Variants in POMZP3 observed in about 807,000 individuals in gnomAD.
POMZP3 encodes POM121 and ZP3 fusion, also known as POM121 and ZP3 fusion protein.
In POMZP3, 10 loss-of-function variants were observed where a neutral mutation model predicts 19.8. The ratio of observed to expected loss-of-function variants is 0.51; its 90% confidence interval spans 0.31 to 0.86. The LOEUF is 0.86. Among genes scored for constraint, POMZP3 ranks in the 40% least tolerant of loss-of-function variants. The pLI is 0.04. For missense variants in POMZP3, 152 were observed against 228.1 expected, an observed-to-expected ratio of 0.67 and a Z score of 2.15; for synonymous variants, 57 against 85.8, an observed-to-expected ratio of 0.66 and a Z score of 1.85.
Position 76,620,257 on chromosome 7 carries a change from G to C in POMZP3, c.228-1957C>G, listed in dbSNP as rs1815477670. ...GCAGGAGAATGGCGCGAACCCGGGA[G>C]GCAGAGCTTGTAGTGAGCCGAGATT... On this transcript the variant is annotated intron_variant, in intron 3 of 6. Coordinates refer to ENST00000310842, the MANE Select transcript of POMZP3 (RefSeq NM_012230.5). Among the ~76,000 whole-genome samples, 2 of 86,012 alleles carry C rather than the reference G, an allele frequency of 2.3e-5. 1 individual carries two copies. The highest frequency in any genetic ancestry group is 2.2e-4 in the Admixed American group (2 of 9,048). 56.4% of individuals were successfully genotyped at this position (86,012 alleles called of 152,430 possible). A position where few individuals can be genotyped will look rare whatever the true frequency, so the allele number is the denominator to read the frequency against.
intron 3 of POMZP3, among the ~76,000 whole-genome samples, chr7:76,619,023 C>T (rs1179837576): frequency 4.6e-5 from 7 of 152,144 alleles, no homozygotes; most frequent in South Asian, 2.1e-4. Context: ...CCTGGGCTCA[C>T]GCATTCCTCT....
At chr7:76,621,756 C>T (rs1254098927) in intron 3 of POMZP3, among the ~76,000 whole-genome samples, 2 of 151,534 alleles carry the variant, frequency 1.3e-5, no homozygotes, top group South Asian at 2.1e-4. Context: ...CTGGCTAACA[C>T]GGTGAAATCC....
At position 76,626,059 on chromosome 7, in the gene POMZP3, C is replaced by T; in HGVS notation, c.6G>A (p.Val2=). M[V]CSPVTLRIAP... is the part of the protein sequence containing the mutation. ...CGATCCTCAGAGTCACTGGGCTACA[C>T]ACCATCCTGGAGTTGCGAGGGGACA... The change falls in exon 2 of 7, where the codon GTG becomes GTA. Residue 2 remains valine, a synonymous_variant. Coordinates refer to ENST00000310842, the MANE Select transcript of POMZP3 (RefSeq NM_012230.5). 1.9e-6 allele frequency: 3 copies of T among 1,613,814 alleles called. No homozygotes were observed. The highest frequency in any genetic ancestry group is 1.7e-4 in the Middle Eastern group (1 of 6,056).
At position 76,626,006 on chromosome 7, in the gene POMZP3, G is replaced by C. The variant is rs1815866700; in HGVS notation, c.59C>G (p.Ser20Cys). The C allele has an allele frequency of 1.2e-6, 2 of 1,613,718 alleles. No homozygotes were observed. Among genetic ancestry groups the C allele is most frequent in the Non-Finnish European group, 8.5e-7 (1 of 1,179,776 alleles). The change falls in exon 2 of 7, where the codon TCT (serine) becomes TGT (cysteine). Residue 20 changes from serine to cysteine, a missense_variant. Ser to Cys is a moderately radical substitution (Grantham distance 112). Coordinates refer to ENST00000310842, the MANE Select transcript of POMZP3 (RefSeq NM_012230.5). ...TTCCAACGATAATACTCACATCGCAGAACGCGAAAATCTTCTGTCAGGAGG... is the reference window on the plus strand; with the variant it reads ...TTCCAACGATAATACTCACATCGCACAACGCGAAAATCTTCTGTCAGGAGG... ...IAPPDRRFSR[S>C]AIPEQIISST...
At chr7:76,625,055 C>T (rs1815798713) in intron 3 of POMZP3, among the ~76,000 whole-genome samples, 1 of 146,384 alleles carries the variant, frequency 6.8e-6, no homozygotes, top group Non-Finnish European at 1.5e-5. Context: ...ATGGCATGAA[C>T]CTGGGAGGCT....
chr7:76,617,990 ACCTCTTAAGG>A (rs1198981135), intron 4 of POMZP3, among the ~76,000 whole-genome samples, 183 bp downstream of exon 4: 5 of 124,236 alleles, frequency 4.0e-5, no homozygotes, highest in Non-Finnish European at 8.2e-5. Flanking sequence ...CCCGGCCTCT[ACCTCTTAAGG>A]CTTCATATTG....
chr7:76,625,890 G>A (rs990679433), intron 2 of POMZP3, 110 bp downstream of exon 2: 2 of 1,506,326 alleles, frequency 1.3e-6, no homozygotes, highest in Non-Finnish European at 1.8e-6. Context: ...ATTCAAACAA[G>A]CAGATTCGTC....
chr7:76,617,355 C>A (rs1241731211), intron 4 of POMZP3, among the ~76,000 whole-genome samples: 1 of 96,302 alleles, frequency 1.0e-5, no homozygotes, highest in African/African-American at 4.7e-5. Context: ...ATCCCTCCCC[C>A]ACCTCAGCCA....
At chr7:76,610,264 G>A (rs1423895468) in intron 6 of POMZP3, 49 bp from the exon 7 acceptor site, 1 of 1,613,492 alleles carries the variant, frequency 6.2e-7, no homozygotes, top group African/African-American at 1.3e-5. Flanking sequence ...CCCTAACCGG[G>A]AACTGGGTTG....
chr7:76,611,317 G>C (rs1382490300), intron 6 of POMZP3, 137 bp downstream of exon 6: 1 of 1,149,438 alleles, frequency 8.7e-7, no homozygotes, highest in East Asian at 2.6e-5. Context: ...ATTTGTGTTA[G>C]GGAAAGGTAG....
chr7:76,610,074 G>A lies in POMZP3; in HGVS notation c.*153C>T. 7.8e-7 allele frequency: 1 copy of A among 1,289,498 alleles called. No individual in the cohort carries two copies. Among genetic ancestry groups the A allele is most frequent in the South Asian group, 1.2e-5 (1 of 82,590 alleles). 79.9% of individuals were successfully genotyped at this position (1,289,498 alleles called of 1,614,324 possible). ...GAGAACCAGGATAACAGCAGTCAGA[G>A]TCAGGGACACCACCACAGCCAGGCC... On this transcript the variant is annotated 3_prime_UTR_variant, in exon 7 of 7. Transcript: ENST00000310842.
intron 3 of POMZP3, among the ~76,000 whole-genome samples, chr7:76,623,115 C>T (rs1258754935): frequency 2.0e-5 from 3 of 151,684 alleles, no homozygotes; most frequent in African/African-American, 7.3e-5. Context: ...CAAGAGATCC[C>T]TCCACCTCAG....
At chr7:76,619,470 G>C (rs548410334) in intron 3 of POMZP3, among the ~76,000 whole-genome samples, 108 of 151,392 alleles carry the variant, frequency 7.1e-4, no homozygotes, top group African/African-American at 2.5e-3. Flanking sequence ...CAGTAGGGCA[G>C]TTTGCCACTT....
rs1815858949 is a variant in POMZP3, at chr7:76,625,882, T to A, written c.65+118A>T. 5 of 1,485,324 alleles carry A rather than the reference T, an allele frequency of 3.4e-6. No individual in the cohort carries two copies. The East Asian group carries it at 1.2e-4, about 36-fold the overall frequency. 92.0% of individuals were successfully genotyped at this position (1,485,324 alleles called of 1,614,324 possible). A position where few individuals can be genotyped will look rare whatever the true frequency, so the allele number is the denominator to read the frequency against. ...TTTACTAGAATTTGGTATTTCTCAT[T>A]CAAACAAGCAGATTCGTCCTTTCTT... is the stretch of plus-strand genomic sequence containing the variant. On this transcript the variant is annotated intron_variant, in intron 2 of 6. Transcript: ENST00000310842.
At chr7:76,612,206 CAG>C (rs1426890198) in intron 4 of POMZP3, among the ~76,000 whole-genome samples, 9 of 123,812 alleles carry the variant, frequency 7.3e-5, no homozygotes, top group African/African-American at 2.7e-4. Flanking sequence ...ATAAAATAAA[CAG>C]GGGGAAGGAA....
chr7:76,619,272 C>G (rs1815415840), intron 3 of POMZP3, among the ~76,000 whole-genome samples: 2 of 152,236 alleles, frequency 1.3e-5, no homozygotes, highest in South Asian at 4.1e-4. Context: ...CCTGTAATCC[C>G]AGCTACTGGG....
intron 4 of POMZP3, among the ~76,000 whole-genome samples, chr7:76,616,189 C>T (rs1200363817): frequency 7.0e-6 from 1 of 142,400 alleles, no homozygotes; most frequent in Admixed American, 7.2e-5. Context: ...GAGGCTGAGG[C>T]AGGAGAATTG....
intron 3 of POMZP3, among the ~76,000 whole-genome samples, chr7:76,620,360 G>T (rs1347629050): frequency 9.6e-6 from 1 of 103,882 alleles, no homozygotes; most frequent in African/African-American, 4.2e-5. Flanking sequence ...ACAACACGTG[G>T]GGGTGGGGTA....
intron 6 of POMZP3, among the ~76,000 whole-genome samples, chr7:76,610,730 T>C (rs1438608204): frequency 6.8e-6 from 1 of 147,396 alleles, no homozygotes; most frequent in Non-Finnish European, 1.5e-5. Context: ...AGGGATTCCC[T>C]AGTACATCAT....
Sources: gnomAD v4.1 joint callset for allele counts (sites outside exome capture counted in the v4.1 genomes callset) on GRCh38, gnomAD v4.1.1 for gene constraint, MANE v1.5 for transcripts, NCBI Gene and HGNC (gene_info 2026-07-23, HGNC 2026-07-21) for gene names.